NSUN6: variants seen among roughly 807,000 people sequenced by gnomAD.
NSUN6 encodes tRNA (cytosine(72)-C(5))-methyltransferase NSUN6.
NSUN6 carries 64 observed loss-of-function variants against 58.0 expected under a neutral mutation model. The observed-to-expected ratio is 1.10, with a 90% CI of 0.90 to 1.36. The LOEUF is 1.36. Among genes scored for constraint, NSUN6 ranks in the 40% most tolerant of loss-of-function variants. The pLI is 0.00. For synonymous variants in NSUN6, 231 were observed against 193.9 expected (o/e 1.19, Z -1.59); for missense variants, 701 against 550.1 (o/e 1.27, Z -2.74).
chr10:18,578,231 A>ATTTTTTTTT (rs71402184), intron 8 of NSUN6, among the ~76,000 whole-genome samples: 3 of 121,144 alleles, frequency 2.5e-5, no homozygotes, highest in Admixed American at 9.5e-5. Context: ...CTCTAAGCCT[A>ATTTTTTTTT]TTTTTTTTTT....
intron 7 of NSUN6, among the ~76,000 whole-genome samples, chr10:18,589,115 T>C (rs924336939): frequency 6.6e-6 from 1 of 152,074 alleles, no homozygotes; most frequent in African/African-American, 2.4e-5. Context: ...GAGAACTTCT[T>C]GAAGCATACA....
intron 8 of NSUN6, among the ~76,000 whole-genome samples, chr10:18,579,809 A>G (rs780276044): frequency 2.6e-5 from 4 of 152,116 alleles, no homozygotes; most frequent in Non-Finnish European, 4.4e-5. Context: ...TGAATACACA[A>G]TTTAGTCTGC....
upstream of NSUN6, among the ~76,000 whole-genome samples, chr10:18,655,589 G>A (rs1347597025): frequency 2.6e-5 from 4 of 152,150 alleles, no homozygotes; most frequent in East Asian, 1.9e-4. Flanking sequence ...CTATCTAAGG[G>A]AGGAGTGAAG....
intron 3 of NSUN6, among the ~76,000 whole-genome samples, chr10:18,625,720 TAAAAAAAAAAAAAAAA>T (rs71402188): frequency 3.5e-4 from 19 of 53,808 alleles, no homozygotes; most frequent in African/African-American, 1.1e-3. Flanking sequence ...GTTTTTTTTT[TAAAAAAAAAAAAAAAA>T]AAAAAAAAAA....
At chr10:18,655,435 T>C (rs977926357), upstream of NSUN6, among the ~76,000 whole-genome samples, 5 of 152,210 alleles carry the variant, frequency 3.3e-5, no homozygotes, top group African/African-American at 1.2e-4. Flanking sequence ...GTGCTTTAAA[T>C]GGTACTAGAA....
intron 6 of NSUN6, among the ~76,000 whole-genome samples, chr10:18,609,515 A>C (rs1253593750): frequency 2.0e-5 from 3 of 152,154 alleles, no homozygotes; most frequent in African/African-American, 4.8e-5. Flanking sequence ...TAACAAGTCA[A>C]ATGATTTACT....
At chr10:18,595,241 G>C (rs1454281255) in intron 7 of NSUN6, among the ~76,000 whole-genome samples, 1 of 152,152 alleles carries the variant, frequency 6.6e-6, no homozygotes, top group East Asian at 1.9e-4. Flanking sequence ...ATGTTTAGTT[G>C]TATGCCGCCA....
intron 8 of NSUN6, among the ~76,000 whole-genome samples, chr10:18,584,862 A>C (rs574243782): frequency 4.7e-4 from 72 of 152,112 alleles, no homozygotes; most frequent in African/African-American, 1.7e-3. Flanking sequence ...TGGAGCCCCA[A>C]AGATGGTAAC....
intron 7 of NSUN6, among the ~76,000 whole-genome samples, chr10:18,588,831 G>C (rs2057272039): frequency 6.6e-6 from 1 of 152,180 alleles, no homozygotes; most frequent in Non-Finnish European, 1.5e-5. Context: ...CAAAAATGCT[G>C]AAAATTCCAA....
rs143089386 is a variant in NSUN6, at chr10:18,620,934, G to C, written c.312-4641C>G. Among the ~76,000 whole-genome samples, 348 of 152,338 alleles carry C rather than the reference G, an allele frequency of 2.3e-3. 3 individuals carry two copies. The highest frequency in any genetic ancestry group is 8.0e-3 in the African/African-American group (334 of 41,578). ...TATGAAAATAACATGGAGGGGAAAGGATGAATTCTGGAACAGAGAACTGTG... is the reference window on the plus strand; with the variant it reads ...TATGAAAATAACATGGAGGGGAAAGCATGAATTCTGGAACAGAGAACTGTG... On this transcript the variant is annotated intron_variant, in intron 3 of 10. Transcript: ENST00000377304.
intron 8 of NSUN6, among the ~76,000 whole-genome samples, chr10:18,573,502 G>A (rs12781038): frequency 0.61 from 92,511 of 150,664 alleles, 28,627 homozygotes; most frequent in East Asian, 0.97. Flanking sequence ...ACCATTCTAC[G>A]TTCCATTCCA....
In NSUN6 at chr10:18,564,019, C is replaced by T. The variant is rs1319802160; in HGVS notation, c.923-12048G>A. On this transcript the variant is annotated intron_variant, in intron 8 of 10. Coordinates refer to ENST00000377304, the MANE Select transcript of NSUN6 (RefSeq NM_182543.5). ...CCATTCCACTGCATTCCATTCTATT[C>T]TCCATTACATTTTACATTCCATTCT... is the stretch of plus-strand genomic sequence containing the variant. Among the ~76,000 whole-genome samples the T allele has an allele frequency of 2.0e-5, 3 of 149,744 alleles. No homozygotes were observed. In the Admixed American group the frequency reaches 2.0e-4, roughly 10 times the overall value.
intron 6 of NSUN6, among the ~76,000 whole-genome samples, chr10:18,600,963 T>C (rs970567493): frequency 1.7e-3 from 123 of 71,508 alleles, no homozygotes; most frequent in East Asian, 3.2e-3. Flanking sequence ...TATATATACA[T>C]ATATATATAT....
intron 8 of NSUN6, among the ~76,000 whole-genome samples, chr10:18,567,910 TC>T (rs1216325710): frequency 6.6e-6 from 1 of 150,894 alleles, no homozygotes; most frequent in Non-Finnish European, 1.5e-5. Context: ...ACCACTGCAT[TC>T]CATTCCATTT....
Position 18,642,506 on chromosome 10 carries a change from T to A in NSUN6, c.281A>T (p.Asp94Val). The A allele has an allele frequency of 6.4e-7, 1 of 1,553,954 alleles. No individual in the cohort carries two copies. Among genetic ancestry groups the A allele is most frequent in the African/African-American group, 1.4e-5 (1 of 73,848 alleles). ...TCCAATAACAGGAATAAGTAACACA[T>A]CTTGAAGGTCTGGATGTTGAAGAAT... is the stretch of plus-strand genomic sequence containing the variant. ...VPILQHPDLQ[D>V]VLLIPVIGPR... The change falls in exon 3 of 11, where the codon GAT (aspartate) becomes GTT (valine). Residue 94 changes from aspartate (D) to valine (V), a missense_variant. Transcript: ENST00000377304.
At chr10:18,552,506 T>C (rs2054668176) in intron 8 of NSUN6, among the ~76,000 whole-genome samples, 1 of 152,180 alleles carries the variant, frequency 6.6e-6, no homozygotes, top group South Asian at 2.1e-4. Context: ...TTCACTTCAG[T>C]AATTTTCTCT....
At chr10:18,567,561 C>T (rs1280709704) in intron 8 of NSUN6, among the ~76,000 whole-genome samples, 2 of 150,414 alleles carry the variant, frequency 1.3e-5, no homozygotes, top group African/African-American at 4.9e-5. Context: ...TTCCATTCTC[C>T]ATTCCGTTCC....
rs766998894 is a variant in NSUN6, at chr10:18,548,194, G to A, written c.1115C>T (p.Thr372Met). The A allele has an allele frequency of 6.8e-6, 11 of 1,613,294 alleles. No individual in the cohort carries two copies. Among genetic ancestry groups the A allele is most frequent in the South Asian group, 1.1e-5 (1 of 91,032 alleles). ...ATTTTCGGCCAGTGTTATAGTGCAC[G>A]TGCTATAAACCAGCACACCCTCTGG... Reference protein sequence around the residue: ...LKPEGVLVYSTCTITLAENEE... With the variant: ...LKPEGVLVYSMCTITLAENEE... The change falls in exon 10 of 11, where the codon ACG becomes ATG. Residue 372 changes from threonine to methionine, a missense_variant. Transcript: ENST00000377304.
At chr10:18,567,975 C>G (rs574481444) in intron 8 of NSUN6, among the ~76,000 whole-genome samples, 1 of 149,802 alleles carries the variant, frequency 6.7e-6, no homozygotes, top group South Asian at 2.1e-4. Flanking sequence ...CATTCCATTC[C>G]CCATTCCATT....
Sources: allele counts gnomAD v4.1 joint callset (sites outside exome capture counted in the v4.1 genomes callset), GRCh38; gene constraint gnomAD v4.1.1; transcripts MANE v1.5; gene names NCBI Gene and HGNC (gene_info 2026-07-23, HGNC 2026-07-21).